The following SLC14A2 variants were observed in gnomAD, a reference collection of about 807,000 sequenced individuals.
The protein encoded by SLC14A2 is urea transporter 2.
Under a neutral mutation model 104.6 loss-of-function variants are expected in SLC14A2, and 91 were observed. The ratio of observed to expected loss-of-function variants is 0.87; its 90% confidence interval spans 0.73 to 1.04. The LOEUF (loss-of-function observed/expected upper bound fraction) is 1.04. SLC14A2 is among the 50% of genes least tolerant of loss of function. The pLI, the probability that SLC14A2 is intolerant of heterozygous loss-of-function variation, is 0.00. For synonymous variants in SLC14A2, 476 were observed against 466.4 expected, an observed-to-expected ratio of 1.02 and a Z score of -0.27; for missense variants, 1,189 against 1,156.0, an observed-to-expected ratio of 1.03 and a Z score of -0.41.
At chr18:45,644,389 GTAAA>G in intron 10 of SLC14A2, 1 of 428,032 alleles carries the variant, frequency 2.3e-6, no homozygotes, top group East Asian at 3.3e-5. Context: ...TGGTATTACA[GTAAA>G]ATTTCCGGAG....
rs540557280 is a variant in SLC14A2, at chr18:45,682,813, G to A, written c.*294G>A. ...GCCTCATCCTTAAAGAGAAGTCACC[G>A]GCCGGGCACGGTGGCTCACGCCTGT... is the stretch of plus-strand genomic sequence containing the variant. On this transcript the variant is annotated 3_prime_UTR_variant, in exon 20 of 20. Transcript: ENST00000255226. The A allele has an allele frequency of 8.8e-5, 30 of 340,270 alleles. No individual in the cohort carries two copies. The highest frequency in any genetic ancestry group is 4.2e-4 in the African/African-American group (20 of 47,564). 21.1% of individuals were successfully genotyped at this position (340,270 alleles called of 1,614,324 possible). A position where few individuals can be genotyped will look rare whatever the true frequency, so the allele number is the denominator to read the frequency against.
chr18:45,345,337 C>A (rs1054498410), intron 1 of SLC14A2, among the ~76,000 whole-genome samples: 8 of 152,312 alleles, frequency 5.3e-5, no homozygotes, highest in Admixed American at 4.6e-4. Flanking sequence ...GTTAGGAACT[C>A]TGATAGGTGC....
intron 2 of SLC14A2, among the ~76,000 whole-genome samples, chr18:45,547,551 G>A (rs1195062038): frequency 6.6e-6 from 1 of 152,222 alleles, no homozygotes; most frequent in East Asian, 1.9e-4. Context: ...GGAACTGACG[G>A]AACTCTTAGC....
chr18:45,573,964 G>C (rs1296705395), intron 2 of SLC14A2, among the ~76,000 whole-genome samples: 3 of 152,220 alleles, frequency 2.0e-5, no homozygotes, highest in Non-Finnish European at 2.9e-5. Flanking sequence ...AACTGGATTA[G>C]AGAAAAATAT....
At chr18:45,332,201 G>A (rs2085297230) in intron 1 of SLC14A2, among the ~76,000 whole-genome samples, 1 of 152,088 alleles carries the variant, frequency 6.6e-6, no homozygotes, top group South Asian at 2.1e-4. Flanking sequence ...TTCAAATACA[G>A]TTGGCCCTCT....
At chr18:45,327,660 T>C (rs2085249562) in intron 1 of SLC14A2, among the ~76,000 whole-genome samples, 1 of 152,022 alleles carries the variant, frequency 6.6e-6, no homozygotes, top group African/African-American at 2.4e-5. Flanking sequence ...TCTGGCTTCT[T>C]TCACACAGCA....
intron 2 of SLC14A2, among the ~76,000 whole-genome samples, chr18:45,544,797 T>G (rs2043945801): frequency 6.8e-6 from 1 of 146,220 alleles, no homozygotes; most frequent in Non-Finnish European, 1.5e-5. Flanking sequence ...TTTTTTTTTT[T>G]TTTTTTTTTT....
intron 1 of SLC14A2, among the ~76,000 whole-genome samples, chr18:45,424,988 T>C (rs2086403736): frequency 6.6e-6 from 1 of 152,218 alleles, no homozygotes; most frequent in Non-Finnish European, 1.5e-5. Flanking sequence ...CTGAGTTTCC[T>C]AATCATTCAG....
chr18:45,619,443 A>C (rs12185374), intron 1 of SLC14A2, among the ~76,000 whole-genome samples: 12,201 of 152,288 alleles, frequency 0.08, 644 homozygotes, highest in Non-Finnish European at 0.12. Flanking sequence ...GTAGATATTC[A>C]ACAAGGAGGG....
chr18:45,322,534 C>A (rs1396140832), intron 1 of SLC14A2, among the ~76,000 whole-genome samples: 1 of 152,214 alleles, frequency 6.6e-6, no homozygotes, highest in Admixed American at 6.5e-5. Flanking sequence ...ATAAATGTTA[C>A]ACATTTGTTT....
chr18:45,391,133 T>C (rs926610208), intron 1 of SLC14A2, among the ~76,000 whole-genome samples: 1 of 151,672 alleles, frequency 6.6e-6, no homozygotes, highest in Non-Finnish European at 1.5e-5. Context: ...CCTGTGTCCA[T>C]GTGTTCTCAT....
intron 2 of SLC14A2, among the ~76,000 whole-genome samples, chr18:45,593,868 G>A (rs993710833): frequency 6.6e-6 from 1 of 152,028 alleles, no homozygotes; most frequent in Non-Finnish European, 1.5e-5. Flanking sequence ...TCTAGTATTC[G>A]AGCTAAGTAA....
At chr18:45,540,900 C>A (rs774899294) in intron 2 of SLC14A2, among the ~76,000 whole-genome samples, 2 of 152,072 alleles carry the variant, frequency 1.3e-5, no homozygotes, top group Non-Finnish European at 2.9e-5. Flanking sequence ...CCTTAAGAAG[C>A]TAAGAATCAA....
At chr18:45,670,300 A>G (rs1306640099) in intron 16 of SLC14A2, among the ~76,000 whole-genome samples, 1 of 152,076 alleles carries the variant, frequency 6.6e-6, no homozygotes, top group Non-Finnish European at 1.5e-5. Flanking sequence ...TATAATCCTG[A>G]CCTCTGGAAG....
chr18:45,546,769 G>A (rs1375369914), intron 2 of SLC14A2, among the ~76,000 whole-genome samples: 1 of 152,170 alleles, frequency 6.6e-6, no homozygotes, highest in Non-Finnish European at 1.5e-5. Flanking sequence ...TCATGAGGTT[G>A]TAATGCAGAA....
At chr18:45,443,328 G>A (rs1425081895) in intron 1 of SLC14A2, among the ~76,000 whole-genome samples, 1 of 152,168 alleles carries the variant, frequency 6.6e-6, no homozygotes, top group Non-Finnish European at 1.5e-5. Flanking sequence ...CTTAGGTTCA[G>A]CAAAGTAAGG....
rs547946409 is a variant in SLC14A2 at position 45,505,920 on chromosome 18, TG to T, written c.-35+22599del. Among the ~76,000 whole-genome samples, 173 of 152,132 alleles carry T rather than the reference TG, an allele frequency of 1.1e-3. 2 individuals carry two copies. Among genetic ancestry groups the T allele is most frequent in the African/African-American group, 4.0e-3 (167 of 41,528 alleles). On this transcript the variant is annotated intron_variant, in intron 2 of 20. Transcript: ENST00000586448. Reference sequence around the variant, plus strand: ...CTTGCCTTCACCCTGTCCATTCTGATGTGGATTTCTCTCCGCAGAACTAGGG... The same window carrying T: ...CTTGCCTTCACCCTGTCCATTCTGATTGGATTTCTCTCCGCAGAACTAGGG...
At chr18:45,369,318 G>T (rs986324751) in intron 1 of SLC14A2, among the ~76,000 whole-genome samples, 1 of 152,154 alleles carries the variant, frequency 6.6e-6, no homozygotes, top group Non-Finnish European at 1.5e-5. Flanking sequence ...CAATAAGGGT[G>T]TTTGTTCTCT....
intron 1 of SLC14A2, among the ~76,000 whole-genome samples, chr18:45,418,932 T>C (rs76816155): frequency 0.013 from 1,949 of 152,198 alleles, 37 homozygotes; most frequent in African/African-American, 0.044. Flanking sequence ...AAGCATCAGA[T>C]CCATGGCTTA....
Sources: gnomAD v4.1 joint callset for allele counts (sites outside exome capture counted in the v4.1 genomes callset) on GRCh38, gnomAD v4.1.1 for gene constraint, MANE v1.5 for transcripts, NCBI Gene and HGNC (gene_info 2026-07-23, HGNC 2026-07-21) for gene names.